Variants in SH3GL3 observed in about 807,000 individuals in gnomAD.
SH3GL3 encodes endophilin-A3.
In SH3GL3, 33 loss-of-function variants were observed where a neutral mutation model predicts 47.7. That is an observed-to-expected ratio of 0.69 (90% CI 0.52 to 0.92). SH3GL3 has a LOEUF of 0.92. Ranked by LOEUF, SH3GL3 falls within the 40% of genes least tolerant of loss-of-function variation. The pLI is 0.00. For missense variants in SH3GL3, 363 were observed against 417.8 expected (o/e 0.87, Z 1.14); for synonymous variants, 155 against 148.8 (o/e 1.04, Z -0.30).
At chr15:83,482,566 T>A (rs1251353549) in intron 1 of SH3GL3, among the ~76,000 whole-genome samples, 1 of 152,018 alleles carries the variant, frequency 6.6e-6, no homozygotes, top group Non-Finnish European at 1.5e-5. Context: ...TGATCTCGGC[T>A]CACTGCAGCC....
intron 1 of SH3GL3, among the ~76,000 whole-genome samples, chr15:83,513,406 C>T (rs1406719521): frequency 6.6e-6 from 1 of 152,180 alleles, no homozygotes; most frequent in Non-Finnish European, 1.5e-5. Flanking sequence ...TCCACTCAAA[C>T]CCTCCACTGT....
intron 6 of SH3GL3, among the ~76,000 whole-genome samples, chr15:83,583,921 G>C (rs984125656): frequency 2.0e-5 from 3 of 151,980 alleles, no homozygotes; most frequent in African/African-American, 7.3e-5. Flanking sequence ...CATGAATGGG[G>C]GTCCCTGGGC....
chr15:83,619,414 G>T (rs1449548001), downstream of SH3GL3, among the ~76,000 whole-genome samples: 1 of 152,162 alleles, frequency 6.6e-6, no homozygotes, highest in Non-Finnish European at 1.5e-5. Flanking sequence ...GGGGCCTGTT[G>T]CTGGGGGAGG....
intron 6 of SH3GL3, among the ~76,000 whole-genome samples, chr15:83,580,988 G>C (rs1596303856): frequency 1.3e-5 from 2 of 152,352 alleles, no homozygotes; most frequent in South Asian, 4.1e-4. Flanking sequence ...AGATGGGTGT[G>C]CTTGGTGCTC....
intron 5 of SH3GL3, among the ~76,000 whole-genome samples, chr15:83,573,286 T>TC (rs2059587468): frequency 6.6e-6 from 1 of 152,354 alleles, no homozygotes; most frequent in East Asian, 1.9e-4. Flanking sequence ...CTTATGGATA[T>TC]GTACAGAAGA....
chr15:83,623,975 C>CG, the SH3GL3 span, among the ~76,000 whole-genome samples: 2 of 151,998 alleles, frequency 1.3e-5, no homozygotes, highest in Non-Finnish European at 2.9e-5. Flanking sequence ...TTAGTGGAGA[C>CG]GGGGTTTCAC....
At chr15:83,477,085 A>G (rs1204466379) in intron 1 of SH3GL3, among the ~76,000 whole-genome samples, 1 of 152,132 alleles carries the variant, frequency 6.6e-6, no homozygotes, top group Non-Finnish European at 1.5e-5. Context: ...TCACACACCA[A>G]ACTCTTCTAT....
chr15:83,598,187 G>A (rs1234594321), intron 8 of SH3GL3, among the ~76,000 whole-genome samples: 2 of 152,158 alleles, frequency 1.3e-5, no homozygotes, highest in African/African-American at 4.8e-5. Context: ...CACTCACTCA[G>A]TACCCCTTCC....
chr15:83,544,596 G>C (rs994994780), intron 1 of SH3GL3, among the ~76,000 whole-genome samples: 3 of 152,022 alleles, frequency 2.0e-5, no homozygotes, highest in African/African-American at 4.8e-5. Flanking sequence ...AGTGAATTTT[G>C]TTCCTTCAGA....
chr15:83,629,897 T>G, the SH3GL3 span, among the ~76,000 whole-genome samples: 1 of 152,140 alleles, frequency 6.6e-6, no homozygotes, highest in Non-Finnish European at 1.5e-5. Flanking sequence ...GAAGAAAATA[T>G]AGGTGATATG....
chr15:83,471,707 A>T (rs1447620818), intron 1 of SH3GL3, among the ~76,000 whole-genome samples: 2 of 152,296 alleles, frequency 1.3e-5, no homozygotes, highest in Admixed American at 1.3e-4. Context: ...AATAAACTTG[A>T]TTAAATTTGT....
chr15:83,560,408 T>G (rs1896805), intron 2 of SH3GL3, among the ~76,000 whole-genome samples: 1 of 152,236 alleles, frequency 6.6e-6, no homozygotes, highest in South Asian at 2.1e-4. Flanking sequence ...AAAGAAAACT[T>G]AATTTCTGAA....
intron 1 of SH3GL3, among the ~76,000 whole-genome samples, chr15:83,481,211 G>T (rs1310079075): frequency 2.0e-5 from 3 of 150,348 alleles, no homozygotes; most frequent in Non-Finnish European, 4.4e-5. Context: ...GGAGGCGGAG[G>T]TTTCTGTGAG....
chr15:83,526,549 C>A (rs554011341), intron 1 of SH3GL3, among the ~76,000 whole-genome samples: 1 of 152,050 alleles, frequency 6.6e-6, no homozygotes, highest in African/African-American at 2.4e-5. Flanking sequence ...TTATCGTTAA[C>A]AAAGTAACAC....
chr15:83,522,592 C>A (rs1297000837), intron 1 of SH3GL3, among the ~76,000 whole-genome samples: 1 of 152,210 alleles, frequency 6.6e-6, no homozygotes. Flanking sequence ...GTTAATTTAA[C>A]TCTAGAATTG....
At chr15:83,562,080 C>A (rs1566989174) in intron 2 of SH3GL3, among the ~76,000 whole-genome samples, 1 of 126,472 alleles carries the variant, frequency 7.9e-6, no homozygotes, top group African/African-American at 2.8e-5. Flanking sequence ...CACACACACA[C>A]ACTATAGTGT....
downstream of SH3GL3, among the ~76,000 whole-genome samples, chr15:83,623,207 A>C (rs1272622279): frequency 1.3e-5 from 2 of 152,212 alleles, no homozygotes; most frequent in African/African-American, 4.8e-5. Flanking sequence ...AGATCGTGCT[A>C]CTGTTTCAAT....
At chr15:83,561,502 A>T (rs956216580) in intron 2 of SH3GL3, among the ~76,000 whole-genome samples, 70 of 152,212 alleles carry the variant, frequency 4.6e-4, no homozygotes, top group Non-Finnish European at 9.8e-4. Context: ...ATGCAATCCA[A>T]GAAGCTAGGA....
intron 1 of SH3GL3, among the ~76,000 whole-genome samples, chr15:83,546,369 G>A (rs896011283): frequency 6.6e-6 from 1 of 151,598 alleles, no homozygotes; most frequent in Non-Finnish European, 1.5e-5. Context: ...AAGGCCCAAG[G>A]GGTCTTTATT....
Sources: allele counts gnomAD v4.1 joint callset (sites outside exome capture counted in the v4.1 genomes callset), GRCh38; gene constraint gnomAD v4.1.1; transcripts MANE v1.5; gene names NCBI Gene and HGNC (gene_info 2026-07-23, HGNC 2026-07-21).